The following CCDC88A variants were observed in gnomAD, a reference collection of about 807,000 sequenced individuals.
The protein encoded by CCDC88A is girdin.
CCDC88A carries 54 observed loss-of-function variants against 234.3 expected under a neutral mutation model. The observed-to-expected ratio is 0.23, with a 90% CI of 0.19 to 0.29. CCDC88A has a LOEUF of 0.29. Ranked by LOEUF, CCDC88A falls within the 10% of genes least tolerant of loss-of-function variation. CCDC88A has a pLI of 1.00. For missense variants in CCDC88A, 1,832 were observed against 2,123.4 expected (o/e 0.86, Z 2.70); for synonymous variants, 753 against 737.8 (o/e 1.02, Z -0.33).
At chr2:55,382,972 A>G (rs1456446746) in intron 3 of CCDC88A, among the ~76,000 whole-genome samples, 2 of 152,112 alleles carry the variant, frequency 1.3e-5, no homozygotes, top group Non-Finnish European at 2.9e-5. Flanking sequence ...CTGTAGCACC[A>G]GTACCAGGTA....
Position 55,390,053 on chromosome 2 carries a change from A to AAAAAAAAAAAG in CCDC88A, c.165-1168_165-1167insCTTTTTTTTTT, listed in dbSNP as rs377022377. Among the ~76,000 whole-genome samples the AAAAAAAAAAAG allele has an allele frequency of 1.5e-3, 122 of 79,758 alleles. 24 individuals are homozygous for AAAAAAAAAAAG. Among genetic ancestry groups the AAAAAAAAAAAG allele is most frequent in the African/African-American group, 4.0e-3 (86 of 21,544 alleles). The allele number at this position is 79,758 out of a possible 152,430, so 52.3% of individuals were successfully genotyped here. A position where few individuals can be genotyped will look rare whatever the true frequency, so the allele number is the denominator to read the frequency against. On this transcript the variant is annotated intron_variant, in intron 2 of 32. Coordinates refer to ENST00000436346, the MANE Select transcript of CCDC88A (RefSeq NM_001365480.1). The stretch of plus-strand genomic sequence containing the variant: ...GAGACTCAAAAAAAAAAAAAAATAA[A>AAAAAAAAAAAG]AAATAAAGATAGAACATTTCAAAGT...
intron 7 of CCDC88A, chr2:55,356,427 T>C (rs1003313293): frequency 6.6e-6 from 1 of 152,082 alleles, no homozygotes; most frequent in Non-Finnish European, 1.5e-5. Flanking sequence ...ATTCCATGTC[T>C]TTACTATTTT....
intron 23 of CCDC88A, among the ~76,000 whole-genome samples, chr2:55,311,707 T>C (rs938077865): frequency 1.3e-5 from 2 of 152,210 alleles, no homozygotes; most frequent in Admixed American, 1.3e-4. Flanking sequence ...TGAGTAAAGA[T>C]GAATCATCGG....
rs563685957 is a variant in CCDC88A at position 55,419,269 on chromosome 2, G to T, written c.-190C>A. 53 of 567,896 alleles carry T rather than the reference G, an allele frequency of 9.3e-5. No individual in the cohort carries two copies. In the East Asian group the frequency reaches 1.5e-3, roughly 16 times the overall value. The allele number at this position is 567,896 out of a possible 1,614,324, so 35.2% of individuals were successfully genotyped here. A position where few individuals can be genotyped will look rare whatever the true frequency, so the allele number is the denominator to read the frequency against. On this transcript the variant is annotated 5_prime_UTR_variant, in exon 1 of 33. Transcript: ENST00000436346. ...AGAGTGAAACGAGCCGAAATCCCAA[G>T]AAGTGGCTTCGACGACGGACACCAC...
chr2:55,411,878 T>C (rs1240161371), intron 2 of CCDC88A, among the ~76,000 whole-genome samples: 3 of 150,590 alleles, frequency 2.0e-5, no homozygotes, highest in Non-Finnish European at 4.4e-5. Flanking sequence ...TAAAAAACCA[T>C]GGACCATGAA....
At position 55,296,310 on chromosome 2, in the gene CCDC88A, A is replaced by G. The variant is rs1680025163; in HGVS notation, c.5039T>C (p.Val1680Ala). The change falls in exon 30 of 33, where the codon GTT becomes GCT. Residue 1680 changes from valine to alanine, a missense_variant. Coordinates refer to ENST00000436346, the MANE Select transcript of CCDC88A (RefSeq NM_001365480.1). The stretch of plus-strand genomic sequence containing the variant: ...TTCCAAAAACTGTTGTAGAGTAACA[A>G]CTTCACTTCCAGGGGAACCAGTTTT... ...KIKTGSPGSE[V>A]VTLQQFLEES... 1.2e-6 allele frequency: 2 copies of G among 1,614,178 alleles called. No homozygotes were observed. Among genetic ancestry groups the G allele is most frequent in the Non-Finnish European group, 8.5e-7 (1 of 1,180,014 alleles).
chr2:55,404,859 G>C (rs1441605375), intron 2 of CCDC88A: 1 of 152,348 alleles, frequency 6.6e-6, no homozygotes, highest in Non-Finnish European at 1.5e-5. Context: ...CCTCCCCCGA[G>C]TAGCTGGGGT....
rs1410148998 is a variant in CCDC88A at position 55,362,390 on chromosome 2, G to A, written c.545C>T (p.Ser182Leu). Residue 182 changes from serine to leucine, a missense_variant, in exon 7 of 33, where the codon TCG (serine) becomes TTG (leucine). By Grantham distance (145) the Ser-to-Leu change is moderately radical (BLOSUM62 -2). Around this residue, in one of 6 missense-constraint regions of CCDC88A, gnomAD observed 1,282 missense variants for 1,543.6 expected, o/e 0.83. Transcript: ENST00000436346. ...DLQWMEVTDM[S>L]QEDIEPLLKN... ...CAAGAGTGGTTCTATGTCCTCCTGC[G>A]ACATATCAGTCACTTCCATCCATTG... is the stretch of plus-strand genomic sequence containing the variant. The A allele has an allele frequency of 1.2e-6, 2 of 1,604,308 alleles. No homozygotes were observed. The highest frequency in any genetic ancestry group is 1.7e-6 in the Non-Finnish European group (2 of 1,176,128).
At chr2:55,347,241 C>T (rs1169374031) in intron 9 of CCDC88A, among the ~76,000 whole-genome samples, 6 of 151,996 alleles carry the variant, frequency 3.9e-5, no homozygotes, top group Non-Finnish European at 8.8e-5. Flanking sequence ...CTTTTAAAAG[C>T]CTTATTGTAA....
At chr2:55,301,459 G>A in intron 27 of CCDC88A, 182 bp from the exon 28 acceptor site, 2 of 528,620 alleles carry the variant, frequency 3.8e-6, no homozygotes, top group Admixed American at 7.4e-5. Flanking sequence ...ACTCTCATTA[G>A]AGTTGACTTG....
At chr2:55,347,810 C>T (rs1443099529) in intron 9 of CCDC88A, among the ~76,000 whole-genome samples, 1 of 151,810 alleles carries the variant, frequency 6.6e-6, no homozygotes, top group Non-Finnish European at 1.5e-5. Flanking sequence ...CAGAGTTTCG[C>T]CATGTTGCCC....
intron 8 of CCDC88A, among the ~76,000 whole-genome samples, chr2:55,354,167 G>A (rs1007278323): frequency 6.7e-6 from 1 of 149,730 alleles, no homozygotes; most frequent in African/African-American, 2.5e-5. Context: ...TTGAGACAGA[G>A]TCTCGCTCTG....
At chr2:55,351,731 C>A (rs1239310252) in intron 8 of CCDC88A, among the ~76,000 whole-genome samples, 1 of 152,152 alleles carries the variant, frequency 6.6e-6, no homozygotes, top group East Asian at 1.9e-4. Context: ...TGTTAACATG[C>A]AGAATTCAAA....
chr2:55,378,310 T>A (rs978771293), intron 3 of CCDC88A, among the ~76,000 whole-genome samples: 1 of 152,232 alleles, frequency 6.6e-6, no homozygotes, highest in African/African-American at 2.4e-5. Flanking sequence ...TTAATACAAT[T>A]TCATCTTTAC....
chr2:55,336,801 A>G lies in CCDC88A; in HGVS notation c.1536T>C (p.Asn512=), dbSNP rs1392189846. 1.9e-6 allele frequency: 3 copies of G among 1,575,982 alleles called. No individual in the cohort carries two copies. The highest frequency in any genetic ancestry group is 4.6e-5 in the East Asian group (2 of 43,886). ...RLSKKVEILE[N]EIVQEKQSLQ... ...GACTTTGCTTTTCTTGAACAATCTC[A>G]TTTTCAAGAATCTCAACCTAGAGAA... is the stretch of plus-strand genomic sequence containing the variant. The change falls in exon 14 of 33, where the codon AAT becomes AAC. Residue 512 remains asparagine, a synonymous_variant. Coordinates refer to ENST00000436346, the MANE Select transcript of CCDC88A (RefSeq NM_001365480.1).
At chr2:55,356,812 A>G (rs1670644613) in intron 7 of CCDC88A, 1 of 152,156 alleles carries the variant, frequency 6.6e-6, no homozygotes, top group South Asian at 2.1e-4. Context: ...CGCACCTGTA[A>G]TCTCAGCTAC....
chr2:55,365,959 T>C lies in CCDC88A; in HGVS notation c.403-1926A>G, dbSNP rs140642769. Among the ~76,000 whole-genome samples, 8 of 152,324 alleles carry C rather than the reference T, an allele frequency of 5.3e-5. No homozygotes were observed. The East Asian group carries it at 1.5e-3, about 29-fold the overall frequency. ...AATTTTAATTTAATTGTAATTAATT[T>C]TAATTTAAATAGCCACATGCGGCTA... On this transcript the variant is annotated intron_variant, in intron 5 of 32. Coordinates refer to ENST00000436346, the MANE Select transcript of CCDC88A (RefSeq NM_001365480.1).
chr2:55,375,720 G>C (rs1272826549), intron 3 of CCDC88A, among the ~76,000 whole-genome samples: 1 of 151,456 alleles, frequency 6.6e-6, no homozygotes, highest in Non-Finnish European at 1.5e-5. Context: ...TAGAGATGGG[G>C]TGTCACCATG....
At chr2:55,303,509 G>A (rs1338050391) in intron 25 of CCDC88A, among the ~76,000 whole-genome samples, 1 of 151,328 alleles carries the variant, frequency 6.6e-6, no homozygotes, top group African/African-American at 2.4e-5. Context: ...AGCCTCCCTA[G>A]TAGCTGGAAT....
Sources: allele counts gnomAD v4.1 joint callset (sites outside exome capture counted in the v4.1 genomes callset), GRCh38; gene constraint gnomAD v4.1.1; regional missense constraint gnomAD v4.1.1; transcripts MANE v1.5; gene names NCBI Gene and HGNC (gene_info 2026-07-23, HGNC 2026-07-21).